MYO16: variants seen among roughly 807,000 people sequenced by gnomAD.
The protein encoded by MYO16 is myosin XVI.
In MYO16, 94 loss-of-function variants were observed where a neutral mutation model predicts 205.3. The observed-to-expected ratio is 0.46, with a 90% CI of 0.39 to 0.54. The LOEUF (loss-of-function observed/expected upper bound fraction) is 0.54. MYO16 is among the 20% of genes least tolerant of loss of function. MYO16 has a pLI of 0.00. For missense variants in MYO16, 2,315 were observed against 2,387.5 expected (o/e 0.97, Z 0.63); for synonymous variants, 988 against 954.0 (o/e 1.04, Z -0.66).
At chr13:108,812,216 T>C (rs1887316335) in intron 7 of MYO16, among the ~76,000 whole-genome samples, 1 of 151,862 alleles carries the variant, frequency 6.6e-6, no homozygotes, top group Non-Finnish European at 1.5e-5. Context: ...CCTGTCCCTG[T>C]ACAAGCACCC....
intron 24 of MYO16, chr13:109,048,459 C>A: frequency 3.5e-6 from 2 of 563,572 alleles, no homozygotes; most frequent in Non-Finnish European, 6.6e-6. Flanking sequence ...ACCTTGTGCA[C>A]CATAAGATCC....
Position 108,936,879 on chromosome 13 carries a change from C to T in MYO16, c.1926-20809C>T, listed in dbSNP as rs141402691. Among the ~76,000 whole-genome samples, 49 of 152,212 alleles carry T rather than the reference C, an allele frequency of 3.2e-4. 2 individuals are homozygous for T. Among genetic ancestry groups the T allele is most frequent in the African/African-American group, 1.2e-3 (48 of 41,544 alleles). On this transcript the variant is annotated intron_variant, in intron 16 of 34. Transcript: ENST00000457511. ...TAATATTGATATGTGAGGTTTTAAT[C>T]CTGTCATGAAGCTGTTAGCTCTATG... is the stretch of plus-strand genomic sequence containing the variant.
intron 12 of MYO16, among the ~76,000 whole-genome samples, chr13:108,872,613 T>A (rs548996811): frequency 3.3e-5 from 5 of 151,544 alleles, no homozygotes; most frequent in Non-Finnish European, 7.4e-5. Flanking sequence ...ATGCAACTTA[T>A]AATTTATGTA....
At chr13:108,805,982 G>A (rs9559416) in intron 6 of MYO16, among the ~76,000 whole-genome samples, 10,493 of 121,234 alleles carry the variant, frequency 0.087, 482 homozygotes, top group East Asian at 0.31. Flanking sequence ...TTAGTGGCAC[G>A]TACCTGTATT....
At chr13:109,012,379 T>C (rs1182334931) in intron 22 of MYO16, among the ~76,000 whole-genome samples, 1 of 152,136 alleles carries the variant, frequency 6.6e-6, no homozygotes, top group Non-Finnish European at 1.5e-5. Context: ...CCAGCTCCTG[T>C]CAAATCAGTG....
chr13:109,151,610 A>G (rs951103092), intron 32 of MYO16, among the ~76,000 whole-genome samples: 13 of 152,146 alleles, frequency 8.5e-5, no homozygotes, highest in African/African-American at 3.1e-4. Context: ...ATCAAACATA[A>G]CCCTTCAAAA....
intron 4 of MYO16, among the ~76,000 whole-genome samples, chr13:108,781,516 T>C (rs1184053417): frequency 6.6e-6 from 1 of 152,182 alleles, no homozygotes; most frequent in African/African-American, 2.4e-5. Flanking sequence ...CACGGCCGGT[T>C]CTCCATTGCC....
intron 12 of MYO16, among the ~76,000 whole-genome samples, chr13:108,882,219 A>G (rs1281591999): frequency 6.6e-6 from 1 of 152,358 alleles, no homozygotes; most frequent in East Asian, 1.9e-4. Context: ...TCAAAATGGG[A>G]AAATTATTAC....
chr13:108,810,245 A>C (rs1887247108), intron 7 of MYO16, among the ~76,000 whole-genome samples: 1 of 152,188 alleles, frequency 6.6e-6, no homozygotes, highest in Admixed American at 6.5e-5. Flanking sequence ...TGTTCCATTA[A>C]GCCTACTCAA....
At chr13:108,587,801 C>T in the MYO16 span, among the ~76,000 whole-genome samples, 2 of 152,154 alleles carry the variant, frequency 1.3e-5, no homozygotes, top group African/African-American at 4.8e-5. Flanking sequence ...TTATTATAGC[C>T]ATACAATCAG....
At chr13:108,575,705 A>G in the MYO16 span, among the ~76,000 whole-genome samples, 307 of 152,278 alleles carry the variant, frequency 2.0e-3, 2 homozygotes, top group African/African-American at 7.0e-3. Context: ...TTACAAATGT[A>G]TGCAATGGTC....
intron 1 of MYO16, among the ~76,000 whole-genome samples, chr13:108,640,621 C>A (rs1158881526): frequency 6.6e-6 from 1 of 152,180 alleles, no homozygotes; most frequent in Non-Finnish European, 1.5e-5. Flanking sequence ...TGAAACCCAT[C>A]TATCCTTTCA....
intron 1 of MYO16, among the ~76,000 whole-genome samples, chr13:108,615,917 G>A (rs1879334645): frequency 6.6e-6 from 1 of 152,110 alleles, no homozygotes; most frequent in Admixed American, 6.6e-5. Context: ...ATACCATTCT[G>A]TATTGTGAAT....
intron 16 of MYO16, among the ~76,000 whole-genome samples, chr13:108,945,032 G>A (rs573404675): frequency 6.6e-6 from 1 of 152,226 alleles, no homozygotes; most frequent in South Asian, 2.1e-4. Context: ...TGCTTGTCTC[G>A]AAGTTTCCAG....
chr13:109,151,304 T>C (rs1179063811), intron 32 of MYO16, among the ~76,000 whole-genome samples: 1 of 152,234 alleles, frequency 6.6e-6, no homozygotes, highest in Admixed American at 6.5e-5. Context: ...GGTTTCTCCT[T>C]GAAATCTTCA....
chr13:108,538,079 T>C, the MYO16 span, among the ~76,000 whole-genome samples: 20 of 152,140 alleles, frequency 1.3e-4, no homozygotes, highest in Middle Eastern at 3.2e-3. Flanking sequence ...GTAAGTTCTT[T>C]GCTGAGGCCA....
intron 1 of MYO16, among the ~76,000 whole-genome samples, chr13:108,652,124 TAGG>T (rs1379301906): frequency 1.3e-5 from 2 of 152,112 alleles, no homozygotes; most frequent in African/African-American, 4.8e-5. Flanking sequence ...GAGGAGTTGT[TAGG>T]AGCACAGATA....
At chr13:108,917,939 A>T in intron 16 of MYO16, among the ~76,000 whole-genome samples, 1 of 152,242 alleles carries the variant, frequency 6.6e-6, no homozygotes, top group East Asian at 1.9e-4. Context: ...GTGGAAGATT[A>T]TAATTGATTT....
At chr13:108,856,276 AG>A (rs1324216869) in intron 11 of MYO16, among the ~76,000 whole-genome samples, 3 of 152,216 alleles carry the variant, frequency 2.0e-5, no homozygotes, top group African/African-American at 7.2e-5. Flanking sequence ...ATGTCTATAA[AG>A]AAATCTGATT....
Sources: allele counts gnomAD v4.1 joint callset (sites outside exome capture counted in the v4.1 genomes callset), GRCh38; gene constraint gnomAD v4.1.1; transcripts MANE v1.5; gene names NCBI Gene and HGNC (gene_info 2026-07-23, HGNC 2026-07-21).